Variants in COL11A1 observed in about 807,000 individuals in gnomAD.
COL11A1 encodes collagen type XI alpha 1 chain.
COL11A1 carries 74 observed loss-of-function variants against 265.2 expected under a neutral mutation model. The observed-to-expected ratio is 0.28, with a 90% CI of 0.23 to 0.34. COL11A1 has a LOEUF of 0.34. Among genes scored for constraint, COL11A1 ranks in the 10% least tolerant of loss-of-function variants. COL11A1 has a pLI of 1.00. For synonymous variants in COL11A1, 816 were observed against 727.6 expected (o/e 1.12, Z -1.96); for missense variants, 2,165 against 2,263.6 (o/e 0.96, Z 0.88).
At chr1:102,997,024 C>A in intron 26 of COL11A1, 56 bp downstream of exon 26, 1 of 1,443,508 alleles carries the variant, frequency 6.9e-7, no homozygotes. Flanking sequence ...CAAATTAAGG[C>A]ATTTTCTCTT....
At chr1:102,902,269 G>A (rs1405780265) in intron 54 of COL11A1, among the ~76,000 whole-genome samples, 2 of 152,154 alleles carry the variant, frequency 1.3e-5, no homozygotes, top group African/African-American at 2.4e-5. Flanking sequence ...GCATGAGTAT[G>A]TGGTGACTTG....
chr1:102,945,811 T>C (rs1428576967), intron 42 of COL11A1, among the ~76,000 whole-genome samples: 2 of 152,116 alleles, frequency 1.3e-5, no homozygotes, highest in Admixed American at 6.5e-5. Flanking sequence ...TCCATAGTCA[T>C]GTAAATATAA....
At chr1:103,080,510 TG>T (rs1173562327) in intron 2 of COL11A1, among the ~76,000 whole-genome samples, 2 of 151,780 alleles carry the variant, frequency 1.3e-5, no homozygotes, top group Non-Finnish European at 3.0e-5. Context: ...ATGGACAAGA[TG>T]TCTGAATAAA....
At chr1:102,935,184 T>C in intron 44 of COL11A1, 71 bp from the exon 45 acceptor site, 1 of 1,273,844 alleles carries the variant, frequency 7.9e-7, no homozygotes, top group Non-Finnish European at 1.1e-6. Context: ...AAACAGAACA[T>C]TTAGCCTACC....
rs191598943 is a variant in COL11A1 at position 103,011,942 on chromosome 1, T to C, written c.1629+471A>G. Among the ~76,000 whole-genome samples, 549 of 152,266 alleles carry C rather than the reference T, an allele frequency of 3.6e-3. 4 individuals carry two copies. The highest frequency in any genetic ancestry group is 0.013 in the African/African-American group (520 of 41,568). On this transcript the variant is annotated intron_variant, in intron 14 of 66. Coordinates refer to ENST00000370096, the MANE Select transcript of COL11A1 (RefSeq NM_001854.4). ...TTTCTACAAGAGAAAATACTCTCTCTAATAGTTGAAGCACCTTGTGGAATA... is the reference window on the plus strand; with the variant it reads ...TTTCTACAAGAGAAAATACTCTCTCCAATAGTTGAAGCACCTTGTGGAATA...
At chr1:103,074,393 A>G (rs1571219542) in intron 4 of COL11A1, among the ~76,000 whole-genome samples, 1 of 152,132 alleles carries the variant, frequency 6.6e-6, no homozygotes, top group Middle Eastern at 3.4e-3. Flanking sequence ...AAATCAACCA[A>G]TCCCTGTAAA....
intron 3 of COL11A1, among the ~76,000 whole-genome samples, chr1:103,077,976 C>T (rs2889351): frequency 0.48 from 72,292 of 151,896 alleles, 20,254 homozygotes; most frequent in East Asian, 0.91. Context: ...GTATAAAGAC[C>T]TTAGTACATG....
chr1:103,033,405 G>A (rs139274426), intron 4 of COL11A1, among the ~76,000 whole-genome samples: 1,669 of 151,840 alleles, frequency 0.011, 11 homozygotes, highest in South Asian at 0.029. Context: ...TATAGGTTTC[G>A]TTAGTGGTTA....
chr1:102,877,974 C>G lies in COL11A1; in HGVS notation c.*45G>C. The G allele has an allele frequency of 6.2e-7, 1 of 1,608,046 alleles. No individual in the cohort carries two copies. The highest frequency in any genetic ancestry group is 8.5e-7 in the Non-Finnish European group (1 of 1,175,254). ...TGTGGCACAAAATGGGTTGGTGGCA[C>G]CAAGGTATATTTTCTGTTGATTTGA... On this transcript the variant is annotated 3_prime_UTR_variant, in exon 67 of 67. Coordinates refer to ENST00000370096, the MANE Select transcript of COL11A1 (RefSeq NM_001854.4).
In COL11A1 at chr1:102,987,724, A is replaced by G. The variant is rs1407487086; in HGVS notation, c.2411T>C (p.Ile804Thr). 1.2e-6 allele frequency: 2 copies of G among 1,613,290 alleles called. No individual in the cohort carries two copies. The highest frequency in any genetic ancestry group is 1.3e-5 in the African/African-American group (1 of 74,830). The change falls in exon 30 of 67, where the codon ATT becomes ACT. Residue 804 changes from isoleucine (I) to threonine (T), a missense_variant. Coordinates refer to ENST00000370096, the MANE Select transcript of COL11A1 (RefSeq NM_001854.4). ...LKGDRGEVGQ[I>T]GPRGEDGPEG... Reference sequence around the variant, plus strand: ...AGGGCCATCTTCCCCTCTTGGGCCAATTTGACCAACTTCTCCCTGAGGCAC... The same window carrying G: ...AGGGCCATCTTCCCCTCTTGGGCCAGTTTGACCAACTTCTCCCTGAGGCAC...
chr1:103,106,963 C>T (rs1006972173), intron 1 of COL11A1, among the ~76,000 whole-genome samples: 5 of 152,180 alleles, frequency 3.3e-5, no homozygotes, highest in Non-Finnish European at 7.3e-5. Context: ...CACCCTCCTT[C>T]CTATCCCCCA....
Position 102,921,574 on chromosome 1 carries a change from G to GT in COL11A1, c.3655-4dup. Reference sequence around the variant, plus strand: ...GGGCCTGGAGGACCAGGTGGCCCCTGTAAGAGAGAAATATTGAGGTTTACA... The same window carrying GT: ...GGGCCTGGAGGACCAGGTGGCCCCTGTTAAGAGAGAAATATTGAGGTTTACA... On this transcript the variant is annotated splice_region_variant and splice_polypyrimidine_tract_variant and intron_variant, in intron 47 of 66. Coordinates refer to ENST00000370096, the MANE Select transcript of COL11A1 (RefSeq NM_001854.4). 6.2e-7 allele frequency: 1 copy of GT among 1,611,876 alleles called. No individual in the cohort carries two copies. Among genetic ancestry groups the GT allele is most frequent in the Non-Finnish European group, 8.5e-7 (1 of 1,178,784 alleles).
At chr1:102,904,705 C>T (rs1241092196) in intron 54 of COL11A1, among the ~76,000 whole-genome samples, 1 of 151,994 alleles carries the variant, frequency 6.6e-6, no homozygotes, top group African/African-American at 2.4e-5. Context: ...GAATGGTGAT[C>T]ATTAAAAAGT....
chr1:103,070,302 T>C (rs1005695009), intron 4 of COL11A1, among the ~76,000 whole-genome samples: 1 of 151,090 alleles, frequency 6.6e-6, no homozygotes, highest in East Asian at 1.9e-4. Flanking sequence ...CTGAATTGTA[T>C]GTAATATAAA....
chr1:103,050,224 A>T (rs997168379), intron 4 of COL11A1, among the ~76,000 whole-genome samples: 1 of 152,178 alleles, frequency 6.6e-6, no homozygotes, highest in Non-Finnish European at 1.5e-5. Flanking sequence ...TCTCCCCGTC[A>T]CTTTCAGGTA....
At chr1:103,065,565 C>CA (rs1671064831) in intron 4 of COL11A1, among the ~76,000 whole-genome samples, 2 of 34,072 alleles carry the variant, frequency 5.9e-5, no homozygotes, top group Non-Finnish European at 1.3e-4. Context: ...AACAAACAAA[C>CA]AAACAAACAA....
intron 1 of COL11A1, among the ~76,000 whole-genome samples, chr1:103,090,090 C>A (rs1673193650): frequency 6.6e-6 from 1 of 152,048 alleles, no homozygotes; most frequent in African/African-American, 2.4e-5. Context: ...CACCACTGCA[C>A]TCCAGCCTGG....
chr1:102,993,517 TC>T (rs1173076228), intron 28 of COL11A1, among the ~76,000 whole-genome samples: 2 of 152,214 alleles, frequency 1.3e-5, no homozygotes, highest in East Asian at 3.9e-4. Flanking sequence ...TGTTATTTTT[TC>T]ATTTGTATTA....
At chr1:102,983,420 C>T (rs1663227397) in intron 31 of COL11A1, among the ~76,000 whole-genome samples, 1 of 151,976 alleles carries the variant, frequency 6.6e-6, no homozygotes, top group Non-Finnish European at 1.5e-5. Flanking sequence ...CCTGGATTGC[C>T]TAGGTGGTCC....
Sources: gnomAD v4.1 joint callset for allele counts (sites outside exome capture counted in the v4.1 genomes callset) on GRCh38, gnomAD v4.1.1 for gene constraint, MANE v1.5 for transcripts, NCBI Gene and HGNC (gene_info 2026-07-23, HGNC 2026-07-21) for gene names.